The following NUP160 variants were observed in gnomAD, a reference collection of about 807,000 sequenced individuals.
NUP160 encodes nuclear pore complex protein Nup160.
In NUP160, 94 loss-of-function variants were observed where a neutral mutation model predicts 196.9. The ratio of observed to expected loss-of-function variants is 0.48; its 90% CI spans 0.40 to 0.57. The LOEUF is 0.57. NUP160 is among the 20% of genes least tolerant of loss of function. The pLI is 0.00. For missense variants in NUP160, 1,638 were observed against 1,748.3 expected, an observed-to-expected ratio of 0.94 and a Z score of 1.13; for synonymous variants, 605 against 619.7, an observed-to-expected ratio of 0.98 and a Z score of 0.35.
At chr11:47,782,297 AAAAAAAATATATATATATATAT>A (rs1565184355) in intron 34 of NUP160, among the ~76,000 whole-genome samples, 5 of 49,324 alleles carry the variant, frequency 1.0e-4, no homozygotes, top group Non-Finnish European at 1.9e-4. Context: ...GTTAAAAAAA[AAAAAAAATATATATATATATAT>A]ATATATATAT....
At chr11:47,795,593 A>G (rs1565190553) in intron 27 of NUP160, among the ~76,000 whole-genome samples, 2 of 152,220 alleles carry the variant, frequency 1.3e-5, no homozygotes, top group African/African-American at 4.8e-5. Flanking sequence ...CACAGTGATT[A>G]TATTGTAAAA....
chr11:47,784,818 A>G, intron 33 of NUP160, 104 bp downstream of exon 33: 1 of 854,104 alleles, frequency 1.2e-6, no homozygotes. Flanking sequence ...CGGGCATGAC[A>G]GGTATGAGCC....
Position 47,806,438 on chromosome 11 carries a change from C to T in NUP160, c.2447-126G>A, listed in dbSNP as rs529247245. 3.1e-5 allele frequency: 21 copies of T among 687,616 alleles called. 1 individual carries two copies. The highest frequency in any genetic ancestry group is 1.3e-4 in the African/African-American group (7 of 55,714). 42.6% of individuals were successfully genotyped at this position (687,616 alleles called of 1,614,324 possible). The stretch of plus-strand genomic sequence containing the variant: ...GCACTTCAAAACAGAAAATGTATCA[C>T]GGGTATATATCCAGTGGCAATATAA... On this transcript the variant is annotated intron_variant, in intron 19 of 35. Transcript: ENST00000378460.
rs1451528262 is a variant in NUP160, at chr11:47,840,500, A to T, written c.403T>A (p.Cys135Ser). 5.6e-6 allele frequency: 9 copies of T among 1,614,138 alleles called. No individual in the cohort carries two copies. The highest frequency in any genetic ancestry group is 7.6e-6 in the Non-Finnish European group (9 of 1,179,990). Reference sequence around the variant, plus strand: ...TAAACCCCTCCAGGTAAAACACTGCAATTTTGGAATTTTAGGCGAATGGCA... The same window carrying T: ...TAAACCCCTCCAGGTAAAACACTGCTATTTTGGAATTTTAGGCGAATGGCA... Residue 135 changes from cysteine to serine, a missense_variant, in exon 3 of 36, where the codon TGC becomes AGC. Physicochemically the swap from Cys to Ser is moderately radical, Grantham distance 112. Coordinates refer to ENST00000378460, the Ensembl canonical transcript of NUP160.
At chr11:47,833,280 C>T (rs186709210) in intron 7 of NUP160, among the ~76,000 whole-genome samples, 1 of 151,812 alleles carries the variant, frequency 6.6e-6, no homozygotes, top group East Asian at 1.9e-4. Flanking sequence ...ATGGTGAAAC[C>T]CCATCTCTAT....
At chr11:47,791,490 C>A (rs2097667867) in intron 29 of NUP160, among the ~76,000 whole-genome samples, 1 of 152,092 alleles carries the variant, frequency 6.6e-6, no homozygotes, top group South Asian at 2.1e-4. Flanking sequence ...CAGGTGAGGG[C>A]CACTACTGCC....
At chr11:47,824,233 A>C (rs1851923229) in intron 7 of NUP160, among the ~76,000 whole-genome samples, 1 of 151,802 alleles carries the variant, frequency 6.6e-6, no homozygotes, top group Admixed American at 6.6e-5. Flanking sequence ...ATCCTTGCCA[A>C]GACATTTATT....
chr11:47,783,445 T>C (rs1202782394), intron 33 of NUP160, among the ~76,000 whole-genome samples: 1 of 152,200 alleles, frequency 6.6e-6, no homozygotes, highest in Non-Finnish European at 1.5e-5. Context: ...ATCTGTTAAA[T>C]AGCCTTCTTC....
At chr11:47,837,472 A>G in intron 5 of NUP160, 73 bp downstream of exon 5, 1 of 1,148,132 alleles carries the variant, frequency 8.7e-7, no homozygotes, top group Non-Finnish European at 1.3e-6. Context: ...TAAGACTGGA[A>G]ACAATAACTG....
At chr11:47,797,682 T>A (rs1271926486) in intron 27 of NUP160, 97 bp downstream of exon 27, 2 of 788,014 alleles carry the variant, frequency 2.5e-6, no homozygotes, top group Non-Finnish European at 4.4e-6. Flanking sequence ...CTTAAACACA[T>A]ATTAAAAATT....
chr11:47,826,719 C>T (rs951597625), intron 7 of NUP160, among the ~76,000 whole-genome samples: 5 of 152,066 alleles, frequency 3.3e-5, no homozygotes, highest in Admixed American at 2.0e-4. Flanking sequence ...CCCGCCACCA[C>T]GCTTGGCTAA....
chr11:47,841,017 T>TACACACAC (rs59211788), intron 2 of NUP160, among the ~76,000 whole-genome samples: 39 of 151,384 alleles, frequency 2.6e-4, no homozygotes, highest in Middle Eastern at 3.4e-3. Flanking sequence ...CGCACACATA[T>TACACACAC]ACACACACAC....
chr11:47,845,439 T>C (rs7112381), intron 2 of NUP160, among the ~76,000 whole-genome samples: 141,319 of 152,256 alleles, frequency 0.93, 66,513 homozygotes, highest in East Asian at 1. Context: ...CATGCCTGGC[T>C]TCCTTTACTT....
intron 31 of NUP160, 105 bp from the exon 32 acceptor site, chr11:47,786,659 T>C (rs1227785778): frequency 1.4e-6 from 1 of 708,200 alleles, no homozygotes. Context: ...CTCTAGTCTT[T>C]TGCTGAATTC....
intron 13 of NUP160, 32 bp downstream of exon 13, chr11:47,815,447 A>G: frequency 2.6e-6 from 4 of 1,520,178 alleles, no homozygotes; most frequent in Non-Finnish European, 2.6e-6. Context: ...AACTGTCTCA[A>G]GAAGGTCTTC....
chr11:47,841,842 C>T (rs1411216626), intron 2 of NUP160, among the ~76,000 whole-genome samples: 1 of 151,990 alleles, frequency 6.6e-6, no homozygotes, highest in Non-Finnish European at 1.5e-5. Flanking sequence ...TGTGCACCAC[C>T]ACACCTGGCT....
chr11:47,780,542 T>A, intron 34 of NUP160, 95 bp from the exon 35 acceptor site: 1 of 12,834 alleles, frequency 7.8e-5, no homozygotes, highest in Non-Finnish European at 1.2e-4. Context: ...AAAATACCCT[T>A]TTTTTTTTTT....
chr11:47,803,799 T>C (rs758739745), intron 21 of NUP160, among the ~76,000 whole-genome samples: 3 of 152,162 alleles, frequency 2.0e-5, no homozygotes, highest in Non-Finnish European at 4.4e-5. Context: ...TATTTATTGG[T>C]TCAATGACTA....
At chr11:47,783,973 C>A (rs1415779981) in intron 33 of NUP160, among the ~76,000 whole-genome samples, 1 of 150,936 alleles carries the variant, frequency 6.6e-6, no homozygotes, top group Non-Finnish European at 1.5e-5. Flanking sequence ...GGTTTACAGG[C>A]GTGAGTCACC....
Sources: gnomAD v4.1 joint callset for allele counts (sites outside exome capture counted in the v4.1 genomes callset) on GRCh38, gnomAD v4.1.1 for gene constraint, MANE v1.5 for transcripts, NCBI Gene and HGNC (gene_info 2026-07-23, HGNC 2026-07-21) for gene names.